The following NCAM1 variants were observed in gnomAD, a reference collection of about 807,000 sequenced individuals.
The protein encoded by NCAM1 is neural cell adhesion molecule 1, also known as antigen recognized by monoclonal antibody 5.1H11.
Under a neutral mutation model 109.8 loss-of-function variants are expected in NCAM1, and 14 were observed. That is an observed-to-expected ratio of 0.13 (90% CI 0.08 to 0.20). The LOEUF (loss-of-function observed/expected upper bound fraction) is 0.20, where lower values mean the gene tolerates loss of function less well. Ranked by LOEUF, NCAM1 falls within the 10% of genes least tolerant of loss-of-function variation. NCAM1 has a pLI of 1.00. For synonymous variants in NCAM1, 418 were observed against 442.9 expected (o/e 0.94, Z 0.70); for missense variants, 774 against 1,109.9 (o/e 0.70, Z 4.30).
At position 113,270,375 on chromosome 11, in the gene NCAM1, G is replaced by A. The variant is rs2137764976; in HGVS notation, c.2319G>A (p.Glu773=). ...CCGGGGCCAAGGGCAAGGACATGGAGGAGGGCAAGGCCGCCTTCTCGTGAG... is the reference window on the plus strand; with the variant it reads ...CCGGGGCCAAGGGCAAGGACATGGAAGAGGGCAAGGCCGCCTTCTCGTGAG... The part of the protein sequence containing the change: ...AGPGAKGKDM[E]EGKAAFSKDE... Residue 773 remains glutamate, a synonymous_variant, in exon 18 of 20, where the codon GAG becomes GAA. Transcript: ENST00000316851. 1 of 1,614,026 alleles carries A rather than the reference G, an allele frequency of 6.2e-7. No homozygotes were observed. Among genetic ancestry groups the A allele is most frequent in the Non-Finnish European group, 8.5e-7 (1 of 1,179,900 alleles).
chr11:113,025,361 C>T (rs1952504760), intron 1 of NCAM1, among the ~76,000 whole-genome samples: 1 of 152,078 alleles, frequency 6.6e-6, no homozygotes, highest in Admixed American at 6.5e-5. Flanking sequence ...TTCCTTTCTT[C>T]CTTTATTCAC....
chr11:113,129,388 G>T (rs2136107148), intron 1 of NCAM1, among the ~76,000 whole-genome samples: 1 of 152,246 alleles, frequency 6.6e-6, no homozygotes, highest in Middle Eastern at 3.4e-3. Flanking sequence ...CGTCTCCACT[G>T]GCTACATCTT....
chr11:113,226,494 A>AC (rs1389809418), intron 9 of NCAM1, among the ~76,000 whole-genome samples: 2 of 152,146 alleles, frequency 1.3e-5, no homozygotes, highest in African/African-American at 4.8e-5. Flanking sequence ...AGACTTTAAC[A>AC]CCCACTGTCA....
chr11:112,998,969 T>G (rs930579121), intron 1 of NCAM1, among the ~76,000 whole-genome samples: 6 of 152,154 alleles, frequency 3.9e-5, no homozygotes, highest in African/African-American at 1.2e-4. Flanking sequence ...CTTGATGGAC[T>G]GAGCCAAAAA....
intron 1 of NCAM1, among the ~76,000 whole-genome samples, chr11:113,064,393 C>T (rs1937844784): frequency 6.6e-6 from 1 of 152,078 alleles, no homozygotes. Flanking sequence ...TACATCTAAA[C>T]CAATGTTAAG....
At chr11:113,081,206 G>A (rs537603497) in intron 1 of NCAM1, among the ~76,000 whole-genome samples, 12 of 152,196 alleles carry the variant, frequency 7.9e-5, no homozygotes, top group African/African-American at 1.4e-4. Context: ...TACCCGCTGC[G>A]CTTACCTTTG....
intron 1 of NCAM1, among the ~76,000 whole-genome samples, chr11:113,164,404 G>A (rs1555104909): frequency 6.6e-6 from 1 of 152,086 alleles, no homozygotes; most frequent in Admixed American, 6.5e-5. Context: ...TGGAGTTAGA[G>A]TCAGATCCCA....
chr11:113,084,208 C>T (rs1938976865), intron 1 of NCAM1, among the ~76,000 whole-genome samples: 1 of 152,168 alleles, frequency 6.6e-6, no homozygotes, highest in African/African-American at 2.4e-5. Context: ...GAGGCGCCCA[C>T]TCTCAGGGCC....
intron 8 of NCAM1, among the ~76,000 whole-genome samples, chr11:113,219,759 A>G (rs2137073318): frequency 6.6e-6 from 1 of 152,342 alleles, no homozygotes; most frequent in Non-Finnish European, 1.5e-5. Context: ...ACTCAATGTG[A>G]TAGAGTCTCT....
chr11:113,199,829 T>TAAAAAAAAAAAAAAA (rs1555111558), intron 1 of NCAM1, among the ~76,000 whole-genome samples: 1 of 115,766 alleles, frequency 8.6e-6, no homozygotes, highest in African/African-American at 3.4e-5. Flanking sequence ...GAAACACCCT[T>TAAAAAAAAAAAAAAA]AAAAAAAAAA....
Position 113,173,591 on chromosome 11 carries a change from GATATATATATATAT to G in NCAM1, c.53-28765_53-28752del, listed in dbSNP as rs5794851. On this transcript the variant is annotated intron_variant, in intron 1 of 19. Transcript: ENST00000316851. The stretch of plus-strand genomic sequence containing the variant: ...TATGACTAATATTAGCATGTTACCT[GATATATATATATAT>G]ATATATATATATATATATATATTTT... Among the ~76,000 whole-genome samples the G allele has an allele frequency of 4.3e-3, 543 of 126,716 alleles. 9 individuals are homozygous for G. The highest frequency in any genetic ancestry group is 0.015 in the African/African-American group (510 of 34,348). The allele number at this position is 126,716 out of a possible 152,430, so 83.1% of individuals were successfully genotyped here.
chr11:112,961,785 GT>G, intron 1 of NCAM1, 121 bp downstream of exon 1: 1 of 697,280 alleles, frequency 1.4e-6, no homozygotes, highest in Non-Finnish European at 2.4e-6. Context: ...GGTCATTTTC[GT>G]TTAGCTGTGA....
intron 1 of NCAM1, among the ~76,000 whole-genome samples, chr11:113,178,921 T>A (rs1382100117): frequency 2.0e-5 from 3 of 152,208 alleles, no homozygotes; most frequent in African/African-American, 2.4e-5. Context: ...AGCAGGCTCT[T>A]GGTGACCCAC....
At chr11:113,145,617 G>A (rs1474187129) in intron 1 of NCAM1, among the ~76,000 whole-genome samples, 2 of 152,062 alleles carry the variant, frequency 1.3e-5, no homozygotes, top group Non-Finnish European at 2.9e-5. Context: ...CTTCTTCATT[G>A]CTATACAATT....
intron 17 of NCAM1, among the ~76,000 whole-genome samples, chr11:113,265,641 C>T (rs535969879): frequency 9.8e-5 from 15 of 152,292 alleles, no homozygotes; most frequent in South Asian, 8.3e-4. Context: ...TTAACTCAGA[C>T]GCATCCTGCA....
At chr11:113,104,022 T>C (rs969384966) in intron 1 of NCAM1, among the ~76,000 whole-genome samples, 5 of 151,998 alleles carry the variant, frequency 3.3e-5, no homozygotes, top group African/African-American at 9.7e-5. Flanking sequence ...AAACCCTGGG[T>C]TGGATGCGTC....
At chr11:113,024,367 A>AT (rs1469229149) in intron 1 of NCAM1, among the ~76,000 whole-genome samples, 1 of 152,056 alleles carries the variant, frequency 6.6e-6, no homozygotes, top group African/African-American at 2.4e-5. Context: ...TATTTTAGGT[A>AT]TTTTTTACTC....
intron 1 of NCAM1, among the ~76,000 whole-genome samples, chr11:113,011,450 T>C (rs1276400142): frequency 6.7e-6 from 1 of 149,068 alleles, no homozygotes; most frequent in Non-Finnish European, 1.5e-5. Flanking sequence ...TATAGCAGCA[T>C]GATTTATAGT....
At chr11:113,027,886 T>A (rs1555077673) in intron 1 of NCAM1, among the ~76,000 whole-genome samples, 3 of 152,198 alleles carry the variant, frequency 2.0e-5, no homozygotes, top group African/African-American at 7.2e-5. Flanking sequence ...CGTGTCAGCG[T>A]TTTGATTCAT....
Sources: gnomAD v4.1 joint callset for allele counts (sites outside exome capture counted in the v4.1 genomes callset) on GRCh38, gnomAD v4.1.1 for gene constraint, MANE v1.5 for transcripts, NCBI Gene and HGNC (gene_info 2026-07-23, HGNC 2026-07-21) for gene names.